XKR4: variants seen among roughly 807,000 people sequenced by gnomAD.
XKR4 encodes XK-related protein 4.
Under a neutral mutation model 53.9 loss-of-function variants are expected in XKR4, and 12 were observed. That is an observed-to-expected ratio of 0.22 (90% CI 0.14 to 0.36). The LOEUF is 0.36. Among genes scored for constraint, XKR4 ranks in the 10% least tolerant of loss-of-function variants. The probability of loss-of-function intolerance (pLI) is 1.00; values close to 1 mark genes in which losing one functional copy is unlikely to be tolerated. For synonymous variants in XKR4, 354 were observed against 362.4 expected, an observed-to-expected ratio of 0.98 and a Z score of 0.26; for missense variants, 799 against 859.5, an observed-to-expected ratio of 0.93 and a Z score of 0.88.
chr8:55,469,900 T>C (rs1304770958), intron 2 of XKR4, among the ~76,000 whole-genome samples: 1 of 152,146 alleles, frequency 6.6e-6, no homozygotes, highest in Non-Finnish European at 1.5e-5. Context: ...GTGCCTGCAA[T>C]GTATCATGTA....
chr8:55,434,425 GT>G (rs1805146181), intron 2 of XKR4, among the ~76,000 whole-genome samples: 1 of 151,778 alleles, frequency 6.6e-6, no homozygotes, highest in Non-Finnish European at 1.5e-5. Flanking sequence ...GTGTGTGTGT[GT>G]GTGTGTGTGT....
At chr8:55,380,888 C>T (rs1804222139) in intron 2 of XKR4, among the ~76,000 whole-genome samples, 1 of 152,222 alleles carries the variant, frequency 6.6e-6, no homozygotes, top group Non-Finnish European at 1.5e-5. Context: ...AAGAGTCAAA[C>T]TAGGTCATCT....
At chr8:55,241,494 C>T (rs35108299) in intron 1 of XKR4, among the ~76,000 whole-genome samples, 23,314 of 152,134 alleles carry the variant, frequency 0.15, 2,157 homozygotes, top group Non-Finnish European at 0.21. Flanking sequence ...GGGTATTGGC[C>T]TAGGGACTCC....
chr8:55,524,145 A>G lies in XKR4; in HGVS notation c.1871A>G (p.Glu624Gly). 1 of 1,614,206 alleles carries G rather than the reference A, an allele frequency of 6.2e-7. No individual in the cohort carries two copies. The highest frequency in any genetic ancestry group is 8.5e-7 in the Non-Finnish European group (1 of 1,180,034). The part of the protein sequence containing the change: ...RSLRKAILAF[E>G]CSPSPPRLQY... ...CTCCGAAAGGCTATTTTAGCTTTTG[A>G]ATGTTCCCCATCTCCTCCAAGGCTG... Residue 624 changes from glutamate to glycine, a missense_variant, in exon 3 of 3, where the codon GAA becomes GGA. By Grantham distance (98) the Glu-to-Gly change is moderately conservative (BLOSUM62 -2). This residue lies in a region of XKR4 where 269 missense variants were observed against 264.4 expected (regional missense o/e 1.02). Transcript: ENST00000327381.
In XKR4 at chr8:55,446,466, C is replaced by T. The variant is rs914362928; in HGVS notation, c.1007-76815C>T. On this transcript the variant is annotated intron_variant, in intron 2 of 2. Coordinates refer to ENST00000327381, the MANE Select transcript of XKR4 (RefSeq NM_052898.2). ...AAGTGATTCTCCAGCCTCAGCCTCC[C>T]GAGTAGCTGGGATTACAGGTGCACG... is the stretch of plus-strand genomic sequence containing the variant. Among the ~76,000 whole-genome samples, 62 of 152,114 alleles carry T rather than the reference C, an allele frequency of 4.1e-4. 1 individual carries two copies. The highest frequency in any genetic ancestry group is 7.5e-4 in the African/African-American group (31 of 41,414).
intron 1 of XKR4, among the ~76,000 whole-genome samples, chr8:55,136,993 G>A (rs1256433830): frequency 2.0e-5 from 3 of 152,172 alleles, no homozygotes; most frequent in South Asian, 2.1e-4. Flanking sequence ...TATCTCTGCT[G>A]AGGACAGAAC....
At chr8:55,303,585 G>A (rs559045852) in intron 1 of XKR4, among the ~76,000 whole-genome samples, 5 of 152,056 alleles carry the variant, frequency 3.3e-5, no homozygotes, top group South Asian at 2.1e-4. Flanking sequence ...CCAGCTCCTC[G>A]TTGTACCTCT....
chr8:55,301,420 A>G (rs1468753876), intron 1 of XKR4, among the ~76,000 whole-genome samples: 2 of 151,732 alleles, frequency 1.3e-5, no homozygotes, highest in African/African-American at 2.4e-5. Flanking sequence ...GTTGGTTCCA[A>G]GTCTTTGCTA....
chr8:55,226,380 T>C (rs1817952227), intron 1 of XKR4, among the ~76,000 whole-genome samples: 1 of 152,306 alleles, frequency 6.6e-6, no homozygotes, highest in Admixed American at 6.5e-5. Flanking sequence ...GGAGAAACTT[T>C]GCTATGCGTG....
Position 55,293,818 on chromosome 8 carries a change from A to G in XKR4, c.807-63860A>G, listed in dbSNP as rs185866499. 1.4e-3 allele frequency among the ~76,000 whole-genome samples: 218 copies of G among 152,340 alleles called. 2 individuals are homozygous for G. Among genetic ancestry groups the G allele is most frequent in the African/African-American group, 5.0e-3 (209 of 41,588 alleles). On this transcript the variant is annotated intron_variant, in intron 1 of 2. Coordinates refer to ENST00000327381, the MANE Select transcript of XKR4 (RefSeq NM_052898.2). ...CAATATTGATTTGACTCATTCTGTC[A>G]TAATTAATTTGATATAGTGAATCTA...
chr8:55,115,879 G>A (rs1338900201), intron 1 of XKR4, among the ~76,000 whole-genome samples: 3 of 152,184 alleles, frequency 2.0e-5, no homozygotes, highest in Non-Finnish European at 4.4e-5. Flanking sequence ...ACAGTTTTAT[G>A]CAGTACTCAG....
intron 2 of XKR4, chr8:55,452,973 G>A (rs1805478003): frequency 1.4e-6 from 1 of 720,214 alleles, no homozygotes; most frequent in Middle Eastern, 2.4e-4. Context: ...ACCGCTCAGG[G>A]ATGGCCACAG....
chr8:55,351,125 C>T (rs1013531804), intron 1 of XKR4, among the ~76,000 whole-genome samples: 2 of 152,118 alleles, frequency 1.3e-5, no homozygotes, highest in South Asian at 4.1e-4. Flanking sequence ...ACTTCACACT[C>T]CTGAACTGCA....
chr8:55,239,797 C>A (rs753085525), intron 1 of XKR4, among the ~76,000 whole-genome samples: 3 of 152,164 alleles, frequency 2.0e-5, no homozygotes, highest in Admixed American at 2.0e-4. Flanking sequence ...CATTCCATCC[C>A]GCAGCTTTCA....
intron 1 of XKR4, among the ~76,000 whole-genome samples, chr8:55,328,653 C>T (rs1803331228): frequency 6.6e-6 from 1 of 152,212 alleles, no homozygotes; most frequent in African/African-American, 2.4e-5. Flanking sequence ...CAGCCCCTGG[C>T]TCCCTCCAGT....
At chr8:55,184,880 T>A (rs1036780857) in intron 1 of XKR4, among the ~76,000 whole-genome samples, 5 of 152,162 alleles carry the variant, frequency 3.3e-5, no homozygotes, top group African/African-American at 9.7e-5. Flanking sequence ...TAATTATTAG[T>A]CACAGCATAG....
intron 1 of XKR4, among the ~76,000 whole-genome samples, chr8:55,345,067 A>G (rs1803615687): frequency 6.6e-6 from 1 of 152,174 alleles, no homozygotes; most frequent in Admixed American, 6.5e-5. Context: ...GGATCACTTG[A>G]GGTCAGGAGT....
intron 2 of XKR4, among the ~76,000 whole-genome samples, chr8:55,358,754 G>A (rs532307965): frequency 4.7e-4 from 71 of 152,332 alleles, no homozygotes; most frequent in Non-Finnish European, 6.6e-4. Context: ...TAAGGTGCTC[G>A]TTTTGTTTGG....
At chr8:55,450,760 A>T in intron 2 of XKR4, 1 of 570,700 alleles carries the variant, frequency 1.8e-6, no homozygotes, top group East Asian at 4.0e-5. Context: ...GAACCCCTCC[A>T]GCGTTCAGTA....
Sources: allele counts gnomAD v4.1 joint callset (sites outside exome capture counted in the v4.1 genomes callset), GRCh38; gene constraint gnomAD v4.1.1; regional missense constraint gnomAD v4.1.1; transcripts MANE v1.5; gene names NCBI Gene and HGNC (gene_info 2026-07-23, HGNC 2026-07-21).